The following SHOC1 variants were observed in gnomAD, a reference collection of about 807,000 sequenced individuals.
The protein encoded by SHOC1 is shortage in chiasmata 1, also known as protein shortage in chiasmata 1 ortholog.
SHOC1 carries 136 observed loss-of-function variants against 179.2 expected under a neutral mutation model. The observed-to-expected ratio is 0.76, with a 90% CI of 0.66 to 0.87. SHOC1 has a LOEUF of 0.87. Ranked by LOEUF, SHOC1 falls within the 40% of genes least tolerant of loss-of-function variation. The pLI is 0.00. For missense variants in SHOC1, 1,538 were observed against 1,700.8 expected (o/e 0.90, Z 1.68); for synonymous variants, 489 against 586.6 (o/e 0.83, Z 2.41).
In SHOC1 at chr9:111,775,806, G is replaced by C. The variant is rs748029011; in HGVS notation, c.427C>G (p.Gln143Glu). The change falls in exon 5 of 28, where the codon CAA becomes GAA. Residue 143 changes from glutamine to glutamate, a missense_variant. Physicochemically the swap from Gln to Glu is conservative, Grantham distance 29. Transcript: ENST00000682961. ...AACGTTTTACCTTGGTTCTGGTTTT[G>C]AAGTGCTGAACATTTTTCTAAACAA... Reference protein sequence around the residue: ...VSCLEKCSALQNQNQDLFIDD... With the variant: ...VSCLEKCSALENQNQDLFIDD... The C allele has an allele frequency of 6.2e-7, 1 of 1,605,830 alleles. No individual in the cohort carries two copies. Among genetic ancestry groups the C allele is most frequent in the Admixed American group, 1.7e-5 (1 of 58,086 alleles).
intron 5 of SHOC1, among the ~76,000 whole-genome samples, chr9:111,772,662 C>G (rs1258645118): frequency 6.6e-6 from 1 of 152,216 alleles, no homozygotes; most frequent in Non-Finnish European, 1.5e-5. Flanking sequence ...GGTCAGGGCA[C>G]TGTCTGCCCC....
intron 5 of SHOC1, among the ~76,000 whole-genome samples, chr9:111,768,908 T>C (rs1046374801): frequency 1.3e-5 from 2 of 152,204 alleles, no homozygotes; most frequent in African/African-American, 4.8e-5. Flanking sequence ...ATGGCCTTTA[T>C]TGTTTTGAGG....
Position 111,769,975 on chromosome 9 carries a change from G to GTTTTTTTTTTTTT in SHOC1, c.442+5815_442+5816insAAAAAAAAAAAAA. Among the ~76,000 whole-genome samples, 83 of 87,782 alleles carry GTTTTTTTTTTTTT rather than the reference G, an allele frequency of 9.5e-4. 2 individuals carry two copies. The highest frequency in any genetic ancestry group is 1.2e-3 in the Non-Finnish European group (57 of 45,736). 57.6% of individuals were successfully genotyped at this position (87,782 alleles called of 152,430 possible). A position where few individuals can be genotyped will look rare whatever the true frequency, so the allele number is the denominator to read the frequency against. ...AATCTAGCGAAAGGTTTTATCTTCTGTTTTTTTTTTGTTTTTTTTTTTTTT... is the reference window on the plus strand; with the variant it reads ...AATCTAGCGAAAGGTTTTATCTTCTGTTTTTTTTTTTTTTTTTTTTTTTGTTTTTTTTTTTTTT... On this transcript the variant is annotated intron_variant, in intron 5 of 27. Transcript: ENST00000682961.
intron 2 of SHOC1, 142 bp from the exon 3 acceptor site, chr9:111,786,177 C>A: frequency 1.8e-6 from 1 of 552,140 alleles, no homozygotes; most frequent in Non-Finnish European, 2.8e-6. Flanking sequence ...AACAGGCATA[C>A]CTAATCCCAG....
chr9:111,727,747 G>A lies in SHOC1; in HGVS notation c.1720C>T (p.His574Tyr), dbSNP rs1304841571. Residue 574 changes from histidine to tyrosine, a missense_variant, in exon 13 of 28, where the codon CAT (histidine) becomes TAT (tyrosine). By Grantham distance (83) the His-to-Tyr change is moderately conservative. Coordinates refer to ENST00000682961, the MANE Select transcript of SHOC1 (RefSeq NM_001378211.1). ...AAATCATTCTCTTGTTTTTTGCCAT[G>A]TTCAAAAGATGCTTTTTTAATTATT... ...SSIIKKASFE[H>Y]GKKQENDLDL... The A allele has an allele frequency of 3.1e-6, 5 of 1,613,222 alleles. No individual in the cohort carries two copies. In the Admixed American group the frequency reaches 5.0e-5, roughly 16 times the overall value.
Position 111,722,558 on chromosome 9 carries a change from A to G in SHOC1, c.1982T>C (p.Leu661Pro). Reference sequence around the variant, plus strand: ...TAAGATAGGAGAAGCTGCTGCTTCGAGGAGGCAAAATGCTTGGCACTGGCT... The same window carrying G: ...TAAGATAGGAGAAGCTGCTGCTTCGGGGAGGCAAAATGCTTGGCACTGGCT... ...SDSQCQAFCL[L>P]EAAASPILKN... The change falls in exon 15 of 28, where the codon CTC becomes CCC. Residue 661 changes from leucine to proline, a missense_variant. Leu to Pro is a moderately conservative substitution (Grantham distance 98). Transcript: ENST00000682961. 1 of 1,604,666 alleles carries G rather than the reference A, an allele frequency of 6.2e-7. No homozygotes were observed. The highest frequency in any genetic ancestry group is 8.5e-7 in the Non-Finnish European group (1 of 1,178,108).
At chr9:111,740,551 A>T (rs1317813847) in intron 11 of SHOC1, among the ~76,000 whole-genome samples, 2 of 152,184 alleles carry the variant, frequency 1.3e-5, no homozygotes, top group Non-Finnish European at 2.9e-5. Flanking sequence ...TATTTTGTTA[A>T]ACTATAAACA....
At chr9:111,706,110 C>T (rs550560414) in intron 20 of SHOC1, among the ~76,000 whole-genome samples, 57 of 152,164 alleles carry the variant, frequency 3.7e-4, no homozygotes, top group African/African-American at 1.2e-3. Context: ...CAGCCTTAGT[C>T]ATGACTGACA....
At chr9:111,791,939 T>C (rs1054673613) in intron 1 of SHOC1, among the ~76,000 whole-genome samples, 1 of 151,866 alleles carries the variant, frequency 6.6e-6, no homozygotes, top group African/African-American at 2.4e-5. Flanking sequence ...ACCATATTTC[T>C]CAAGTGGTCT....
At chr9:111,722,635 T>C in intron 14 of SHOC1, 50 bp from the exon 15 acceptor site, 2 of 1,462,310 alleles carry the variant, frequency 1.4e-6, no homozygotes, top group Non-Finnish European at 1.9e-6. Flanking sequence ...GATGGTATGC[T>C]CTTTTTGATG....
chr9:111,766,917 A>AT (rs1455282075), intron 5 of SHOC1, among the ~76,000 whole-genome samples: 1 of 151,908 alleles, frequency 6.6e-6, no homozygotes, highest in Non-Finnish European at 1.5e-5. Flanking sequence ...TGGCCAGCTC[A>AT]TTGTGGTTTT....
At position 111,721,843 on chromosome 9, in the gene SHOC1, C is replaced by T. The variant is rs185925738; in HGVS notation, c.2131+566G>A. Among the ~76,000 whole-genome samples the T allele has an allele frequency of 2.0e-5, 3 of 152,332 alleles. No homozygotes were observed. In the East Asian group the frequency reaches 5.8e-4, roughly 29 times the overall value. On this transcript the variant is annotated intron_variant, in intron 15 of 27. Transcript: ENST00000682961. The stretch of plus-strand genomic sequence containing the variant: ...TCTGCCTCAGGTAACTCTCCCTACA[C>T]CACAGCCTGCCAATTCTTTCAAGGC...
chr9:111,691,331 C>T (rs964731537), intron 27 of SHOC1, among the ~76,000 whole-genome samples: 1 of 152,084 alleles, frequency 6.6e-6, no homozygotes, highest in Non-Finnish European at 1.5e-5. Context: ...TTTTTAACTT[C>T]TTAAGTTGAA....
chr9:111,715,266 G>C (rs1369512189), intron 16 of SHOC1, among the ~76,000 whole-genome samples: 1 of 152,124 alleles, frequency 6.6e-6, no homozygotes, highest in Non-Finnish European at 1.5e-5. Context: ...AGAGCACCTG[G>C]CATGGTAACT....
chr9:111,781,750 A>AAATAAATAAATTAATTAATTAATT (rs765900257), intron 3 of SHOC1, among the ~76,000 whole-genome samples: 4,729 of 150,862 alleles, frequency 0.031, 91 homozygotes, highest in Non-Finnish European at 0.043. Flanking sequence ...ATAAATAAAT[A>AAATAAATAAATTAATTAATTAATT]AATTTGTATG....
At chr9:111,789,671 G>C (rs925852249) in intron 2 of SHOC1, among the ~76,000 whole-genome samples, 7 of 152,158 alleles carry the variant, frequency 4.6e-5, no homozygotes, top group Admixed American at 4.6e-4. Flanking sequence ...TGCATCTTTT[G>C]CAAGATTTGC....
chr9:111,743,911 G>T (rs1834150379), intron 10 of SHOC1, among the ~76,000 whole-genome samples: 1 of 152,146 alleles, frequency 6.6e-6, no homozygotes. Context: ...GCTGGTAAAT[G>T]TAGTAGTGAG....
chr9:111,743,835 T>G (rs1030833203), intron 10 of SHOC1, among the ~76,000 whole-genome samples: 5 of 152,194 alleles, frequency 3.3e-5, no homozygotes, highest in African/African-American at 1.2e-4. Context: ...TACTGTAAAC[T>G]CATTTTTAAA....
At chr9:111,758,318 G>C in intron 6 of SHOC1, 123 bp from the exon 7 acceptor site, 1 of 615,116 alleles carries the variant, frequency 1.6e-6, no homozygotes, top group African/African-American at 1.9e-5. Context: ...GTTATTGGCC[G>C]GGTGCAGTGG....
Sources: gnomAD v4.1 joint callset for allele counts (sites outside exome capture counted in the v4.1 genomes callset) on GRCh38, gnomAD v4.1.1 for gene constraint, MANE v1.5 for transcripts, NCBI Gene and HGNC (gene_info 2026-07-23, HGNC 2026-07-21) for gene names.